The following RPH3A variants were observed in gnomAD, a reference collection of about 807,000 sequenced individuals.
RPH3A encodes the protein rabphilin-3A.
RPH3A carries 48 observed loss-of-function variants against 102.2 expected under a neutral mutation model. The ratio of observed to expected loss-of-function variants is 0.47; its 90% CI spans 0.37 to 0.60. The LOEUF is 0.60. RPH3A is among the 20% of genes least tolerant of loss of function. The probability of loss-of-function intolerance (pLI) is 0.00; values close to 1 mark genes in which losing one functional copy is unlikely to be tolerated. For missense variants in RPH3A, 781 were observed against 910.1 expected (o/e 0.86, Z 1.83); for synonymous variants, 310 against 324.3 (o/e 0.96, Z 0.47).
chr12:112,860,604 A>C (rs1292545529), intron 5 of RPH3A, among the ~76,000 whole-genome samples: 1 of 152,234 alleles, frequency 6.6e-6, no homozygotes, highest in Non-Finnish European at 1.5e-5. Flanking sequence ...ACTGCGGTTT[A>C]GAATTGGATT....
chr12:112,727,210 C>G (rs965134042), intron 1 of RPH3A, among the ~76,000 whole-genome samples: 5 of 151,024 alleles, frequency 3.3e-5, no homozygotes, highest in Non-Finnish European at 7.4e-5. Context: ...AGAGACATAT[C>G]GAAGAGGTGT....
chr12:112,580,596 T>C (rs868775914), intron 1 of RPH3A, among the ~76,000 whole-genome samples: 5 of 151,598 alleles, frequency 3.3e-5, no homozygotes, highest in South Asian at 2.1e-4. Flanking sequence ...TTAGTAGAGA[T>C]GGGGTTTCAC....
intron 1 of RPH3A, among the ~76,000 whole-genome samples, chr12:112,734,917 C>T (rs1037003455): frequency 6.6e-6 from 1 of 152,184 alleles, no homozygotes; most frequent in Non-Finnish European, 1.5e-5. Flanking sequence ...TTACTGTATG[C>T]TGTTTTATCA....
At chr12:112,730,325 G>A (rs771710505) in intron 1 of RPH3A, among the ~76,000 whole-genome samples, 5 of 152,252 alleles carry the variant, frequency 3.3e-5, no homozygotes, top group Non-Finnish European at 5.9e-5. Context: ...TCCAGCTGCA[G>A]GGAGTGCAGC....
intron 10 of RPH3A, among the ~76,000 whole-genome samples, chr12:112,873,578 A>G (rs781697929): frequency 2.0e-5 from 3 of 152,178 alleles, no homozygotes; most frequent in Non-Finnish European, 4.4e-5. Context: ...GGAGCGGCTT[A>G]TTCTATTGTT....
At chr12:112,686,140 G>C (rs1204573451) in intron 1 of RPH3A, among the ~76,000 whole-genome samples, 1 of 152,136 alleles carries the variant, frequency 6.6e-6, no homozygotes, top group Non-Finnish European at 1.5e-5. Flanking sequence ...GGAACACCTA[G>C]CTCTTATATT....
At chr12:112,685,031 A>G (rs1332362835) in intron 1 of RPH3A, among the ~76,000 whole-genome samples, 2 of 152,156 alleles carry the variant, frequency 1.3e-5, no homozygotes, top group African/African-American at 4.8e-5. Context: ...GGCTCATGCA[A>G]TCTTCTAGCC....
intron 1 of RPH3A, among the ~76,000 whole-genome samples, chr12:112,614,063 T>C (rs1592907740): frequency 6.6e-6 from 1 of 152,260 alleles, no homozygotes; most frequent in East Asian, 1.9e-4. Context: ...TGTAAACCAC[T>C]ACAAGCTGAA....
At chr12:112,636,358 A>G (rs1361595848) in intron 1 of RPH3A, among the ~76,000 whole-genome samples, 1 of 152,224 alleles carries the variant, frequency 6.6e-6, no homozygotes, top group Non-Finnish European at 1.5e-5. Flanking sequence ...AGGGCTAACA[A>G]TGCAATGTCT....
At chr12:112,779,314 A>AGCCAAAGTCTC (rs2040990350) in intron 1 of RPH3A, among the ~76,000 whole-genome samples, 1 of 152,202 alleles carries the variant, frequency 6.6e-6, no homozygotes. Flanking sequence ...GAGGAGTCCC[A>AGCCAAAGTCTC]TGTCTCCCAG....
chr12:112,774,530 A>G (rs571915212), intron 1 of RPH3A, among the ~76,000 whole-genome samples: 1 of 152,326 alleles, frequency 6.6e-6, no homozygotes, highest in African/African-American at 2.4e-5. Flanking sequence ...TCACATCCTC[A>G]TTATAATAGG....
chr12:112,705,584 A>T (rs2040422367), intron 1 of RPH3A, among the ~76,000 whole-genome samples: 1 of 152,194 alleles, frequency 6.6e-6, no homozygotes, highest in Non-Finnish European at 1.5e-5. Flanking sequence ...GTGTGGAAAA[A>T]AGTAGAATAC....
At chr12:112,687,970 C>A (rs576157816) in intron 1 of RPH3A, among the ~76,000 whole-genome samples, 1 of 152,304 alleles carries the variant, frequency 6.6e-6, no homozygotes, top group South Asian at 2.1e-4. Context: ...GTGGTCTACC[C>A]CCAAGGCCCA....
At chr12:112,756,213 A>G (rs2040822085) in intron 1 of RPH3A, among the ~76,000 whole-genome samples, 1 of 151,190 alleles carries the variant, frequency 6.6e-6, no homozygotes, top group South Asian at 2.1e-4. Context: ...GACATCACAC[A>G]TCACGCTTTT....
intron 1 of RPH3A, among the ~76,000 whole-genome samples, chr12:112,658,800 G>A (rs1194514818): frequency 6.6e-6 from 1 of 152,200 alleles, no homozygotes; most frequent in Non-Finnish European, 1.5e-5. Flanking sequence ...AGATCAATTT[G>A]TTGATAGGTA....
At chr12:112,810,982 T>A (rs2041564586) in intron 2 of RPH3A, among the ~76,000 whole-genome samples, 2 of 152,230 alleles carry the variant, frequency 1.3e-5, no homozygotes, top group South Asian at 4.2e-4. Context: ...TGTGTGTGTG[T>A]GTGTATAGAT....
At chr12:112,869,227 A>T (rs930567391) in intron 8 of RPH3A, 1 of 154,576 alleles carries the variant, frequency 6.5e-6, no homozygotes, top group East Asian at 1.9e-4. Flanking sequence ...AATAATTTCA[A>T]TTGATGCTAA....
Position 112,700,724 on chromosome 12 carries a change from A to T in RPH3A, c.-139-91419A>T, listed in dbSNP as rs59042879. Among the ~76,000 whole-genome samples, 987 of 152,248 alleles carry T rather than the reference A, an allele frequency of 6.5e-3. 6 individuals carry two copies. The highest frequency in any genetic ancestry group is 0.031 in the Middle Eastern group (9 of 294). ...ACACCTTTGGATTTCATTTCAGCAG[A>T]TTCTCTTGGCTTTCCTTGGCATTTC... is the stretch of plus-strand genomic sequence containing the variant. On this transcript the variant is annotated intron_variant, in intron 1 of 21. Coordinates refer to the RPH3A transcript ENST00000543106.
chr12:112,609,729 G>T (rs1310724477), intron 1 of RPH3A, among the ~76,000 whole-genome samples: 1 of 152,126 alleles, frequency 6.6e-6, no homozygotes, highest in Non-Finnish European at 1.5e-5. Context: ...TTACAGACCT[G>T]CCCCCCAAAC....
Sources: gnomAD v4.1 joint callset for allele counts (sites outside exome capture counted in the v4.1 genomes callset) on GRCh38, gnomAD v4.1.1 for gene constraint, MANE v1.5 for transcripts, NCBI Gene and HGNC (gene_info 2026-07-23, HGNC 2026-07-21) for gene names.